The following SCFD2 variants were observed in gnomAD, a reference collection of about 807,000 sequenced individuals.
SCFD2 encodes the protein sec1 family domain-containing protein 2.
SCFD2 carries 54 observed loss-of-function variants against 58.9 expected under a neutral mutation model. That is an observed-to-expected ratio of 0.92 (90% CI 0.74 to 1.15). The LOEUF (loss-of-function observed/expected upper bound fraction) is 1.15, where lower values mean the gene tolerates loss of function less well. Ranked by LOEUF, SCFD2 falls within the 50% of genes most tolerant of loss-of-function variation. The pLI, the probability that SCFD2 is intolerant of heterozygous loss-of-function variation, is 0.00. For missense variants in SCFD2, 805 were observed against 836.6 expected, an observed-to-expected ratio of 0.96 and a Z score of 0.47; for synonymous variants, 321 against 335.9, an observed-to-expected ratio of 0.96 and a Z score of 0.49.
intron 3 of SCFD2, among the ~76,000 whole-genome samples, chr4:53,279,273 C>CT (rs1731434712): frequency 6.6e-6 from 1 of 152,074 alleles, no homozygotes; most frequent in Non-Finnish European, 1.5e-5. Flanking sequence ...TTCAGTTAGG[C>CT]TTTATTTTTC....
chr4:53,083,726 G>A (rs1211703596), intron 5 of SCFD2, among the ~76,000 whole-genome samples: 1 of 152,168 alleles, frequency 6.6e-6, no homozygotes, highest in African/African-American at 2.4e-5. Context: ...GGCCGCCAGG[G>A]GTGACATCAC....
chr4:53,103,768 T>TAA (rs35959095), intron 5 of SCFD2, among the ~76,000 whole-genome samples: 17,647 of 33,758 alleles, frequency 0.52, 6,075 homozygotes, highest in Admixed American at 0.62. Context: ...AGTAAGGAAG[T>TAA]AAAAAAAAAA....
intron 3 of SCFD2, among the ~76,000 whole-genome samples, chr4:53,287,554 CA>C (rs1731708631): frequency 6.6e-6 from 1 of 152,086 alleles, no homozygotes; most frequent in Non-Finnish European, 1.5e-5. Flanking sequence ...GCACCCTGCA[CA>C]AGTTACACCC....
At chr4:53,245,494 C>G (rs1425915479) in intron 4 of SCFD2, among the ~76,000 whole-genome samples, 1 of 152,002 alleles carries the variant, frequency 6.6e-6, no homozygotes, top group Non-Finnish European at 1.5e-5. Flanking sequence ...CAAACAGAAC[C>G]AAAGGGAAAA....
At chr4:53,172,738 A>C (rs1727216670) in intron 4 of SCFD2, among the ~76,000 whole-genome samples, 1 of 152,210 alleles carries the variant, frequency 6.6e-6, no homozygotes, top group African/African-American at 2.4e-5. Context: ...AAGTTTATTC[A>C]GACTTGTTTT....
intron 2 of SCFD2, among the ~76,000 whole-genome samples, chr4:53,348,530 GA>G (rs1162417332): frequency 6.6e-6 from 1 of 152,020 alleles, no homozygotes; most frequent in East Asian, 1.9e-4. Context: ...CCAAGCAATT[GA>G]AAAAAACTAC....
chr4:53,335,116 A>T (rs757479885), intron 2 of SCFD2, among the ~76,000 whole-genome samples: 8 of 145,344 alleles, frequency 5.5e-5, no homozygotes, highest in Admixed American at 1.5e-4. Flanking sequence ...GAATTGCTGA[A>T]ACCCAGGAGG....
intron 4 of SCFD2, among the ~76,000 whole-genome samples, chr4:53,197,101 A>G (rs1157249038): frequency 2.0e-5 from 3 of 152,144 alleles, no homozygotes; most frequent in Non-Finnish European, 4.4e-5. Flanking sequence ...AGTAAGATCC[A>G]TCATCCCAAA....
chr4:53,247,949 T>C (rs987415975), intron 4 of SCFD2, among the ~76,000 whole-genome samples: 1 of 150,740 alleles, frequency 6.6e-6, no homozygotes, highest in South Asian at 2.1e-4. Context: ...ACAGCTCCGG[T>C]CTACAGCTGC....
At chr4:52,891,431 G>T (rs1433537303) in intron 7 of SCFD2, among the ~76,000 whole-genome samples, 3 of 152,182 alleles carry the variant, frequency 2.0e-5, no homozygotes, top group African/African-American at 7.2e-5. Flanking sequence ...ATCACTTTAT[G>T]CAAGCCTTAG....
chr4:53,050,902 C>T (rs1276560527), intron 5 of SCFD2, among the ~76,000 whole-genome samples: 2 of 152,154 alleles, frequency 1.3e-5, no homozygotes, highest in Non-Finnish European at 2.9e-5. Flanking sequence ...CATTTCCTGT[C>T]GTCTGTCAGG....
At chr4:53,134,214 A>G (rs1725872695) in intron 5 of SCFD2, among the ~76,000 whole-genome samples, 1 of 152,198 alleles carries the variant, frequency 6.6e-6, no homozygotes, top group Admixed American at 6.5e-5. Context: ...CAATGGGCAT[A>G]AAGTTTCAGG....
At chr4:53,049,022 T>C (rs527254177) in intron 5 of SCFD2, among the ~76,000 whole-genome samples, 4 of 152,196 alleles carry the variant, frequency 2.6e-5, no homozygotes, top group Admixed American at 2.6e-4. Flanking sequence ...GCTTGTGGAG[T>C]AAATCAGATG....
At chr4:52,884,588 A>G (rs1202137461) in intron 8 of SCFD2, among the ~76,000 whole-genome samples, 1 of 151,566 alleles carries the variant, frequency 6.6e-6, no homozygotes, top group African/African-American at 2.4e-5. Flanking sequence ...TGAGTTCTTC[A>G]CTTCACTTCT....
intron 4 of SCFD2, among the ~76,000 whole-genome samples, chr4:53,206,304 T>A (rs1283090034): frequency 6.6e-6 from 1 of 152,124 alleles, no homozygotes; most frequent in African/African-American, 2.4e-5. Flanking sequence ...ATATGACATT[T>A]AATTTAAAAA....
intron 4 of SCFD2, among the ~76,000 whole-genome samples, chr4:53,225,623 T>C (rs908848632): frequency 2.6e-5 from 4 of 152,254 alleles, no homozygotes; most frequent in African/African-American, 9.6e-5. Flanking sequence ...TTCTATGTTA[T>C]TGCCAAAGGG....
intron 7 of SCFD2, among the ~76,000 whole-genome samples, chr4:52,886,154 A>G (rs950431342): frequency 1.3e-5 from 2 of 152,062 alleles, no homozygotes; most frequent in African/African-American, 4.8e-5. Flanking sequence ...TTTTACATAT[A>G]CCTACCCTTC....
At chr4:53,188,798 G>A (rs911779926) in intron 4 of SCFD2, among the ~76,000 whole-genome samples, 8 of 152,066 alleles carry the variant, frequency 5.3e-5, no homozygotes, top group African/African-American at 9.7e-5. Flanking sequence ...AAAAAAGGGC[G>A]GGGAGGTCTA....
At chr4:52,874,586 C>T (rs1192401217) in intron 8 of SCFD2, among the ~76,000 whole-genome samples, 2 of 152,288 alleles carry the variant, frequency 1.3e-5, no homozygotes, top group Non-Finnish European at 1.5e-5. Context: ...AACTTACTGT[C>T]TCATAGTTCT....
Sources: gnomAD v4.1 joint callset for allele counts (sites outside exome capture counted in the v4.1 genomes callset) on GRCh38, gnomAD v4.1.1 for gene constraint, MANE v1.5 for transcripts, NCBI Gene and HGNC (gene_info 2026-07-23, HGNC 2026-07-21) for gene names.